Variants in PLXDC2 observed in about 807,000 individuals in gnomAD.
PLXDC2 encodes plexin domain containing 2.
A neutral mutation model predicts 68.9 loss-of-function variants in PLXDC2; 40 were observed. The observed-to-expected ratio is 0.58, with a 90% confidence interval of 0.45 to 0.76. The LOEUF is 0.76. PLXDC2 is among the 30% of genes least tolerant of loss of function. PLXDC2 has a pLI of 0.00. For synonymous variants in PLXDC2, 243 were observed against 234.2 expected, an observed-to-expected ratio of 1.04 and a Z score of -0.34; for missense variants, 644 against 661.9, an observed-to-expected ratio of 0.97 and a Z score of 0.30.
intron 13 of PLXDC2, among the ~76,000 whole-genome samples, chr10:20,258,003 T>TC (rs1357545832): frequency 2.8e-5 from 4 of 141,978 alleles, no homozygotes; most frequent in African/African-American, 7.8e-5. Flanking sequence ...CTTTCTTTTT[T>TC]TTTTTTTTTT....
At chr10:20,161,027 A>G (rs942530277) in intron 6 of PLXDC2, among the ~76,000 whole-genome samples, 6 of 152,152 alleles carry the variant, frequency 3.9e-5, no homozygotes, top group Non-Finnish European at 7.4e-5. Flanking sequence ...GAAAATTAGG[A>G]TGAGCAATAC....
intron 4 of PLXDC2, among the ~76,000 whole-genome samples, chr10:20,139,886 G>A (rs563742518): frequency 6.6e-6 from 1 of 152,256 alleles, no homozygotes; most frequent in East Asian, 1.9e-4. Context: ...GATAGCATTA[G>A]GAGAAGTACC....
At chr10:19,894,565 G>A (rs909054101) in intron 1 of PLXDC2, among the ~76,000 whole-genome samples, 7 of 151,860 alleles carry the variant, frequency 4.6e-5, no homozygotes, top group South Asian at 2.1e-4. Context: ...TATAAACAGT[G>A]GATACCCAAA....
intron 4 of PLXDC2, 39 bp from the exon 5 acceptor site, chr10:20,143,256 T>C (rs1173394891): frequency 2.5e-6 from 4 of 1,572,052 alleles, no homozygotes; most frequent in Non-Finnish European, 3.5e-6. Context: ...TTATATGGGC[T>C]TCTTTTTCTG....
chr10:19,912,996 A>T (rs932184115), intron 1 of PLXDC2, among the ~76,000 whole-genome samples: 1 of 152,178 alleles, frequency 6.6e-6, no homozygotes, highest in Admixed American at 6.6e-5. Context: ...TTAAGCTTTG[A>T]CTCGAGAGCA....
At chr10:20,102,277 A>G (rs1833433958) in intron 4 of PLXDC2, among the ~76,000 whole-genome samples, 1 of 152,208 alleles carries the variant, frequency 6.6e-6, no homozygotes. Flanking sequence ...CATCTTACAT[A>G]TATTGATTAA....
chr10:19,855,218 A>G (rs1224126499), intron 1 of PLXDC2, among the ~76,000 whole-genome samples: 1 of 111,724 alleles, frequency 9.0e-6, no homozygotes, highest in Non-Finnish European at 1.8e-5. Context: ...TTAAAACTCA[A>G]ATACGATTTT....
intron 4 of PLXDC2, among the ~76,000 whole-genome samples, chr10:20,091,443 C>T (rs889107462): frequency 1.3e-5 from 2 of 152,296 alleles, no homozygotes; most frequent in South Asian, 2.1e-4. Context: ...TTCCCCTCTC[C>T]ACTACATAGC....
chr10:19,859,482 A>G (rs531235488), intron 1 of PLXDC2, among the ~76,000 whole-genome samples: 1 of 152,074 alleles, frequency 6.6e-6, no homozygotes, highest in Admixed American at 6.5e-5. Flanking sequence ...TTGCATATTG[A>G]TATGTAATAT....
chr10:19,874,489 A>G (rs1461864238), intron 1 of PLXDC2, among the ~76,000 whole-genome samples: 1 of 152,168 alleles, frequency 6.6e-6, no homozygotes, highest in Non-Finnish European at 1.5e-5. Flanking sequence ...TGTAAAAGAC[A>G]TTGTAATGTG....
At chr10:20,106,590 G>A (rs112392621) in intron 4 of PLXDC2, among the ~76,000 whole-genome samples, 4,117 of 152,232 alleles carry the variant, frequency 0.027, 80 homozygotes, top group South Asian at 0.073. Context: ...AACAGGAGGG[G>A]GGAGCTGTCA....
intron 1 of PLXDC2, among the ~76,000 whole-genome samples, chr10:19,863,679 A>G (rs1489433752): frequency 2.0e-5 from 3 of 152,202 alleles, no homozygotes; most frequent in Non-Finnish European, 4.4e-5. Context: ...TCATTTTAAT[A>G]TATTTTGTAG....
chr10:20,038,253 A>C (rs1042464134), intron 2 of PLXDC2, among the ~76,000 whole-genome samples: 5 of 149,876 alleles, frequency 3.3e-5, no homozygotes, highest in African/African-American at 1.3e-4. Context: ...TAAAAAAAAA[A>C]ATTTAAAAAA....
chr10:19,883,209 G>T (rs371855975), intron 1 of PLXDC2, among the ~76,000 whole-genome samples: 28 of 152,072 alleles, frequency 1.8e-4, no homozygotes, highest in African/African-American at 6.3e-4. Context: ...TGATCCGCCC[G>T]CCTTGGCCTC....
chr10:20,105,957 G>A (rs1833486199), intron 4 of PLXDC2, among the ~76,000 whole-genome samples: 1 of 152,158 alleles, frequency 6.6e-6, no homozygotes, highest in South Asian at 2.1e-4. Context: ...ATTAGTGTTG[G>A]CCTTGAATAG....
chr10:20,181,989 A>T (rs1359991750), intron 9 of PLXDC2, among the ~76,000 whole-genome samples: 1 of 151,754 alleles, frequency 6.6e-6, no homozygotes, highest in Admixed American at 6.6e-5. Flanking sequence ...AGGAGGTATG[A>T]TAGTAACTTG....
chr10:20,042,830 T>A (rs958232252), intron 2 of PLXDC2, among the ~76,000 whole-genome samples: 1 of 152,152 alleles, frequency 6.6e-6, no homozygotes, highest in Non-Finnish European at 1.5e-5. Flanking sequence ...CCTCTGTTTG[T>A]CTACAGCTGC....
At chr10:19,952,454 T>C (rs1170648414) in intron 1 of PLXDC2, among the ~76,000 whole-genome samples, 2 of 152,222 alleles carry the variant, frequency 1.3e-5, no homozygotes, top group Non-Finnish European at 2.9e-5. Context: ...AAATACCGTA[T>C]GGATTCTCCC....
At chr10:19,891,841 T>C (rs1366943946) in intron 1 of PLXDC2, among the ~76,000 whole-genome samples, 1 of 152,242 alleles carries the variant, frequency 6.6e-6, no homozygotes, top group African/African-American at 2.4e-5. Flanking sequence ...CAAATAATAT[T>C]ACATGTGAAA....
Sources: allele counts gnomAD v4.1 joint callset (sites outside exome capture counted in the v4.1 genomes callset), GRCh38; gene constraint gnomAD v4.1.1; transcripts MANE v1.5; gene names NCBI Gene and HGNC (gene_info 2026-07-23, HGNC 2026-07-21).